IL1RAP: variants seen among roughly 807,000 people sequenced by gnomAD.
IL1RAP encodes the protein interleukin-1 receptor accessory protein.
Under a neutral mutation model 60.7 loss-of-function variants are expected in IL1RAP, and 35 were observed. The ratio of observed to expected loss-of-function variants is 0.58; its 90% CI spans 0.44 to 0.76. The LOEUF (loss-of-function observed/expected upper bound fraction) is 0.76. IL1RAP is among the 30% of genes least tolerant of loss of function. The pLI, the probability that IL1RAP is intolerant of heterozygous loss-of-function variation, is 0.00. For synonymous variants in IL1RAP, 268 were observed against 250.9 expected, an observed-to-expected ratio of 1.07 and a Z score of -0.64; for missense variants, 572 against 693.9, an observed-to-expected ratio of 0.82 and a Z score of 1.97.
intron 3 of IL1RAP, among the ~76,000 whole-genome samples, chr3:190,577,376 A>G (rs1577641581): frequency 6.6e-6 from 1 of 152,110 alleles, no homozygotes; most frequent in Non-Finnish European, 1.5e-5. Flanking sequence ...CTTTTGAGTC[A>G]TTTGTCAAAT....
intron 5 of IL1RAP, among the ~76,000 whole-genome samples, chr3:190,612,954 AG>A (rs1489746875): frequency 2.6e-5 from 4 of 152,122 alleles, no homozygotes; most frequent in African/African-American, 9.7e-5. Flanking sequence ...GCAATATGCC[AG>A]GGGGTTGAGG....
At chr3:190,531,479 G>C (rs1722980562) in intron 1 of IL1RAP, among the ~76,000 whole-genome samples, 1 of 149,040 alleles carries the variant, frequency 6.7e-6, no homozygotes, top group Admixed American at 6.7e-5. Flanking sequence ...TACCTGAGTG[G>C]ATACCTTAAC....
At chr3:190,536,480 A>G (rs1723470735) in intron 1 of IL1RAP, among the ~76,000 whole-genome samples, 1 of 152,074 alleles carries the variant, frequency 6.6e-6, no homozygotes, top group Non-Finnish European at 1.5e-5. Context: ...TGGCCAATAG[A>G]TTCGTTTTGT....
chr3:190,637,749 T>G (rs751743136), intron 9 of IL1RAP, among the ~76,000 whole-genome samples: 5 of 152,086 alleles, frequency 3.3e-5, no homozygotes, highest in Non-Finnish European at 5.9e-5. Context: ...GTAACATTCT[T>G]CCCCTTATCA....
chr3:190,647,418 C>T (rs1237754603), intron 11 of IL1RAP, among the ~76,000 whole-genome samples: 1 of 152,202 alleles, frequency 6.6e-6, no homozygotes. Flanking sequence ...ACTATGCAAT[C>T]CTCGATAAGC....
chr3:190,573,501 G>T (rs1450604351), intron 3 of IL1RAP, among the ~76,000 whole-genome samples: 1 of 152,166 alleles, frequency 6.6e-6, no homozygotes, highest in East Asian at 1.9e-4. Flanking sequence ...GGAAGTGTTG[G>T]AGGACTTTCT....
At chr3:190,590,279 G>A (rs1254462881) in intron 3 of IL1RAP, among the ~76,000 whole-genome samples, 6 of 150,028 alleles carry the variant, frequency 4.0e-5, no homozygotes, top group African/African-American at 9.8e-5. Flanking sequence ...TTGGTGAGAC[G>A]GAGTCTTGCT....
chr3:190,644,661 TC>T (rs1733885789), intron 10 of IL1RAP, among the ~76,000 whole-genome samples: 2 of 152,166 alleles, frequency 1.3e-5, no homozygotes, highest in African/African-American at 4.8e-5. Flanking sequence ...ACTTAAAATT[TC>T]CCAGTGACCA....
intron 5 of IL1RAP, among the ~76,000 whole-genome samples, chr3:190,618,698 A>G (rs1270866062): frequency 1.3e-5 from 2 of 152,232 alleles, no homozygotes; most frequent in Non-Finnish European, 2.9e-5. Flanking sequence ...TAAACTTATA[A>G]GAATACAGGC....
chr3:190,604,465 CT>C (rs1560206261), intron 4 of IL1RAP, 52 bp downstream of exon 4: 2 of 1,569,610 alleles, frequency 1.3e-6, no homozygotes, highest in Admixed American at 3.7e-5. Flanking sequence ...TTTCTGGGCT[CT>C]TTTCCGGATG....
At chr3:190,581,780 G>A (rs1013348691) in intron 3 of IL1RAP, among the ~76,000 whole-genome samples, 11 of 152,180 alleles carry the variant, frequency 7.2e-5, no homozygotes, top group Non-Finnish European at 2.9e-5. Context: ...AACAGCCATT[G>A]TTTGAGGTAT....
chr3:190,560,796 CG>C (rs1484683134), intron 2 of IL1RAP, among the ~76,000 whole-genome samples: 1 of 152,084 alleles, frequency 6.6e-6, no homozygotes, highest in Non-Finnish European at 1.5e-5. Flanking sequence ...GTTTCATATG[CG>C]GAAGTAGATG....
At chr3:190,525,837 C>A (rs1423812422) in intron 1 of IL1RAP, among the ~76,000 whole-genome samples, 1 of 152,162 alleles carries the variant, frequency 6.6e-6, no homozygotes, top group Non-Finnish European at 1.5e-5. Context: ...CACTATTGCT[C>A]AATTCAATTC....
intron 9 of IL1RAP, among the ~76,000 whole-genome samples, chr3:190,630,821 ACT>A (rs964134293): frequency 1.3e-5 from 2 of 152,066 alleles, no homozygotes; most frequent in Non-Finnish European, 2.9e-5. Context: ...GCACATCCTA[ACT>A]CTGTGAAAAG....
At chr3:190,631,275 A>G (rs1732767218) in intron 9 of IL1RAP, among the ~76,000 whole-genome samples, 1 of 152,314 alleles carries the variant, frequency 6.6e-6, no homozygotes, top group Admixed American at 6.5e-5. Context: ...CTTATTGTCA[A>G]ATGAATAGGA....
chr3:190,518,808 C>T (rs1454096727), intron 1 of IL1RAP: 1 of 152,260 alleles, frequency 6.6e-6, no homozygotes, highest in African/African-American at 2.4e-5. Context: ...GACAGACCTA[C>T]CCCACATGAT....
chr3:190,628,523 G>C (rs1408136628), intron 8 of IL1RAP, among the ~76,000 whole-genome samples: 1 of 152,182 alleles, frequency 6.6e-6, no homozygotes, highest in African/African-American at 2.4e-5. Flanking sequence ...GCAGTCAGCT[G>C]TAGCAGAGAG....
intron 1 of IL1RAP, among the ~76,000 whole-genome samples, chr3:190,550,104 CAG>C (rs562848404): frequency 2.5e-4 from 38 of 152,310 alleles, no homozygotes; most frequent in African/African-American, 7.2e-4. Context: ...ACCCATGAAA[CAG>C]GGGGGGCTTA....
chr3:190,533,289 G>C (rs1182080931), intron 1 of IL1RAP, among the ~76,000 whole-genome samples: 1 of 152,242 alleles, frequency 6.6e-6, no homozygotes, highest in Non-Finnish European at 1.5e-5. Flanking sequence ...CATCACTAGA[G>C]ATATTAAAAG....
Sources: allele counts gnomAD v4.1 joint callset (sites outside exome capture counted in the v4.1 genomes callset), GRCh38; gene constraint gnomAD v4.1.1; transcripts MANE v1.5; gene names NCBI Gene and HGNC (gene_info 2026-07-23, HGNC 2026-07-21).